GPC5: variants seen among roughly 807,000 people sequenced by gnomAD.
GPC5 encodes the protein glypican-5.
GPC5 carries 47 observed loss-of-function variants against 53.9 expected under a neutral mutation model. The ratio of observed to expected loss-of-function variants is 0.87; its 90% confidence interval spans 0.69 to 1.11. The LOEUF (loss-of-function observed/expected upper bound fraction) is 1.11, where lower values mean the gene tolerates loss of function less well. Ranked by LOEUF, GPC5 falls within the 50% of genes most tolerant of loss-of-function variation. The pLI is 0.00. For synonymous variants in GPC5, 286 were observed against 263.3 expected, an observed-to-expected ratio of 1.09 and a Z score of -0.84; for missense variants, 748 against 713.1, an observed-to-expected ratio of 1.05 and a Z score of -0.56.
At chr13:92,829,976 T>C (rs930969550) in intron 7 of GPC5, among the ~76,000 whole-genome samples, 2 of 152,138 alleles carry the variant, frequency 1.3e-5, no homozygotes, top group African/African-American at 4.8e-5. Context: ...TTTGGGTCAA[T>C]CCAAGGTATA....
intron 7 of GPC5, among the ~76,000 whole-genome samples, chr13:92,303,634 G>A (rs756989571): frequency 6.6e-6 from 1 of 152,180 alleles, no homozygotes; most frequent in Non-Finnish European, 1.5e-5. Context: ...CAAGGATTCA[G>A]TACTGACCAA....
chr13:92,505,325 A>G (rs1307418918), intron 7 of GPC5, among the ~76,000 whole-genome samples: 1 of 152,016 alleles, frequency 6.6e-6, no homozygotes, highest in Non-Finnish European at 1.5e-5. Flanking sequence ...ATGTTTCACG[A>G]AAGAAGACAT....
chr13:92,545,062 C>T (rs552164480), intron 7 of GPC5, among the ~76,000 whole-genome samples: 83 of 152,030 alleles, frequency 5.5e-4, no homozygotes, highest in Admixed American at 1.0e-3. Flanking sequence ...AATGCTATAC[C>T]TCCCCCCTCA....
intron 7 of GPC5, among the ~76,000 whole-genome samples, chr13:92,741,732 C>T (rs967183452): frequency 6.6e-6 from 1 of 152,122 alleles, no homozygotes; most frequent in African/African-American, 2.4e-5. Flanking sequence ...GCTATCCCTC[C>T]CCTCTCCCCC....
At chr13:92,445,264 T>C (rs1392274508) in intron 7 of GPC5, among the ~76,000 whole-genome samples, 3 of 151,200 alleles carry the variant, frequency 2.0e-5, no homozygotes, top group African/African-American at 7.3e-5. Context: ...TCTCTCTCTT[T>C]TTTTTTTTAA....
chr13:92,508,131 T>C (rs1018129159), intron 7 of GPC5, among the ~76,000 whole-genome samples: 1 of 152,082 alleles, frequency 6.6e-6, no homozygotes, highest in Non-Finnish European at 1.5e-5. Context: ...GCTGGGCTAA[T>C]TTTTTGTATC....
At chr13:91,939,185 A>G (rs867443282) in intron 6 of GPC5, among the ~76,000 whole-genome samples, 6 of 152,146 alleles carry the variant, frequency 3.9e-5, no homozygotes, top group African/African-American at 9.7e-5. Flanking sequence ...ATGTAAAAAA[A>G]TTATCCATCT....
intron 6 of GPC5, among the ~76,000 whole-genome samples, chr13:92,134,972 T>C (rs1316946038): frequency 6.6e-6 from 1 of 152,124 alleles, no homozygotes; most frequent in Non-Finnish European, 1.5e-5. Flanking sequence ...ATTAAGAAAT[T>C]TGCGTCACAC....
chr13:92,507,429 T>C (rs1880412538), intron 7 of GPC5, among the ~76,000 whole-genome samples: 1 of 152,244 alleles, frequency 6.6e-6, no homozygotes, highest in African/African-American at 2.4e-5. Flanking sequence ...TTATAAAACA[T>C]CTATAAAATA....
At chr13:92,851,918 T>C (rs1188262701) in intron 7 of GPC5, among the ~76,000 whole-genome samples, 2 of 143,424 alleles carry the variant, frequency 1.4e-5, no homozygotes, top group African/African-American at 5.2e-5. Context: ...AGAATAGCCA[T>C]AAGCCAAGAT....
At chr13:91,587,865 C>A (rs1237494398) in intron 2 of GPC5, among the ~76,000 whole-genome samples, 1 of 152,128 alleles carries the variant, frequency 6.6e-6, no homozygotes, top group Non-Finnish European at 1.5e-5. Context: ...TGAAGTCTAA[C>A]ACTTTTGAGA....
At chr13:92,027,210 C>G (rs1446691316) in intron 6 of GPC5, among the ~76,000 whole-genome samples, 1 of 152,046 alleles carries the variant, frequency 6.6e-6, no homozygotes, top group Admixed American at 6.6e-5. Flanking sequence ...AATTATAGAG[C>G]TATCAATGAA....
chr13:92,104,432 T>C (rs2041491667), intron 6 of GPC5, among the ~76,000 whole-genome samples: 1 of 152,162 alleles, frequency 6.6e-6, no homozygotes, highest in African/African-American at 2.4e-5. Context: ...ATAAGTGGAT[T>C]TTGAGAGGTC....
chr13:91,671,495 T>A (rs1249891441), intron 2 of GPC5, among the ~76,000 whole-genome samples: 1 of 151,878 alleles, frequency 6.6e-6, no homozygotes, highest in Non-Finnish European at 1.5e-5. Flanking sequence ...TGGGGTTTTC[T>A]AAATACCTAG....
At chr13:92,161,956 C>CATATATATATATATAT (rs55867004) in intron 7 of GPC5, among the ~76,000 whole-genome samples, 43 of 96,024 alleles carry the variant, frequency 4.5e-4, no homozygotes, top group Non-Finnish European at 6.4e-4. Context: ...AATATATAGC[C>CATATATATATATATAT]ATATATATAT....
At chr13:92,723,011 G>A (rs1371208013) in intron 7 of GPC5, among the ~76,000 whole-genome samples, 1 of 151,752 alleles carries the variant, frequency 6.6e-6, no homozygotes, top group East Asian at 1.9e-4. Flanking sequence ...TACTAGAAAT[G>A]ATGTGGATTT....
chr13:91,404,321 G>T (rs753915513), intron 1 of GPC5, among the ~76,000 whole-genome samples: 1 of 152,150 alleles, frequency 6.6e-6, no homozygotes, highest in Non-Finnish European at 1.5e-5. Context: ...CTGTTCAACC[G>T]ACAAACAACA....
rs549319778 is a variant in GPC5 at position 91,530,995 on chromosome 13, A to G, written c.325+82073A>G. ...GGTTTGGTAGATTCTACTTATTACAATTGCTCTTTCTTACTGCCAATATTG... is the reference window on the plus strand; with the variant it reads ...GGTTTGGTAGATTCTACTTATTACAGTTGCTCTTTCTTACTGCCAATATTG... On this transcript the variant is annotated intron_variant, in intron 2 of 7. Transcript: ENST00000377067. Among the ~76,000 whole-genome samples, 6 of 152,270 alleles carry G rather than the reference A, an allele frequency of 3.9e-5. No homozygotes were observed. The East Asian group carries it at 7.7e-4, about 20-fold the overall frequency.
chr13:92,607,546 A>C (rs1395902084), intron 7 of GPC5, among the ~76,000 whole-genome samples: 1 of 152,176 alleles, frequency 6.6e-6, no homozygotes, highest in Non-Finnish European at 1.5e-5. Context: ...AGAGACTGAT[A>C]ATAAGGCAGA....
Sources: gnomAD v4.1 joint callset for allele counts (sites outside exome capture counted in the v4.1 genomes callset) on GRCh38, gnomAD v4.1.1 for gene constraint, MANE v1.5 for transcripts, NCBI Gene and HGNC (gene_info 2026-07-23, HGNC 2026-07-21) for gene names.